The following ACADL variants were observed in gnomAD, a reference collection of about 807,000 sequenced individuals.
The protein encoded by ACADL is long-chain specific acyl-CoA dehydrogenase, mitochondrial.
Under a neutral mutation model 56.9 loss-of-function variants are expected in ACADL, and 60 were observed. That is an observed-to-expected ratio of 1.05 (90% CI 0.86 to 1.31). The LOEUF is 1.31. ACADL is among the 50% of genes most tolerant of loss of function. ACADL has a pLI of 0.00. For synonymous variants in ACADL, 158 were observed against 179.7 expected (o/e 0.88, Z 0.97); for missense variants, 484 against 525.5 (o/e 0.92, Z 0.77).
At chr2:210,191,004 C>T (rs1688625427) in intron 10 of ACADL, among the ~76,000 whole-genome samples, 1 of 151,598 alleles carries the variant, frequency 6.6e-6, no homozygotes, top group Non-Finnish European at 1.5e-5. Context: ...GCAACCTCCG[C>T]CTCTCGGGTT....
At chr2:210,205,541 A>C in intron 6 of ACADL, 91 bp downstream of exon 6, 3 of 1,298,060 alleles carry the variant, frequency 2.3e-6, no homozygotes, top group Non-Finnish European at 3.3e-6. Context: ...AGGAAATAAA[A>C]TTGTGCCACA....
chr2:210,215,493 C>G (rs550341442), intron 4 of ACADL, among the ~76,000 whole-genome samples: 1 of 152,316 alleles, frequency 6.6e-6, no homozygotes, highest in Admixed American at 6.5e-5. Context: ...CTCTCTTGCT[C>G]CATCTTCTTT....
intron 4 of ACADL, among the ~76,000 whole-genome samples, chr2:210,213,365 T>G (rs1410645315): frequency 1.3e-5 from 2 of 152,004 alleles, no homozygotes; most frequent in Admixed American, 1.3e-4. Flanking sequence ...CTGGGCATGG[T>G]GGCGGGCGCC....
At chr2:210,205,899 A>G (rs1260271735) in intron 5 of ACADL, 103 bp from the exon 6 acceptor site, 1 of 1,365,264 alleles carries the variant, frequency 7.3e-7, no homozygotes, top group African/African-American at 1.4e-5. Context: ...AACAGACAAG[A>G]CATGCTTGAT....
At chr2:210,205,530 T>C in intron 6 of ACADL, 102 bp downstream of exon 6, 1 of 1,166,692 alleles carries the variant, frequency 8.6e-7, no homozygotes, top group South Asian at 1.3e-5. Context: ...GAATTCAGCA[T>C]AGGAAATAAA....
At chr2:210,193,583 T>C (rs925187067) in intron 9 of ACADL, among the ~76,000 whole-genome samples, 1 of 152,216 alleles carries the variant, frequency 6.6e-6, no homozygotes, top group African/African-American at 2.4e-5. Flanking sequence ...TTAAAATTCA[T>C]GATAGAGATT....
chr2:210,204,544 A>T (rs1688851914), intron 7 of ACADL, 37 bp downstream of exon 7: 1 of 1,385,508 alleles, frequency 7.2e-7, no homozygotes, highest in Non-Finnish European at 1.0e-6. Flanking sequence ...CCAATTCATT[A>T]TTCAGTCAAA....
At chr2:210,204,197 T>C (rs1355959490) in intron 7 of ACADL, among the ~76,000 whole-genome samples, 1 of 152,216 alleles carries the variant, frequency 6.6e-6, no homozygotes, top group East Asian at 1.9e-4. Context: ...CTGAATTTTA[T>C]ACTTTTCCCT....
intron 5 of ACADL, among the ~76,000 whole-genome samples, chr2:210,208,953 G>A (rs865812997): frequency 2.6e-5 from 4 of 152,222 alleles, no homozygotes; most frequent in Middle Eastern, 3.4e-3. Context: ...CTGAGCAGAC[G>A]AGGTCTGCTT....
intron 1 of ACADL, chr2:210,224,944 G>T (rs950221095): frequency 3.7e-6 from 5 of 1,342,680 alleles, no homozygotes; most frequent in African/African-American, 1.6e-5. Flanking sequence ...TTTCCCCGAC[G>T]TGGGCTCGGC....
chr2:210,203,240 A>C (rs1317299145), intron 8 of ACADL, 91 bp downstream of exon 8: 1 of 854,026 alleles, frequency 1.2e-6, no homozygotes, highest in East Asian at 2.6e-5. Context: ...ATCACCTTAC[A>C]TGAAAATAAC....
chr2:210,214,372 T>C (rs2125716003), intron 4 of ACADL, among the ~76,000 whole-genome samples: 1 of 152,082 alleles, frequency 6.6e-6, no homozygotes, highest in South Asian at 2.1e-4. Flanking sequence ...TTTTCTCTGT[T>C]CTTATATTCT....
intron 5 of ACADL, chr2:210,209,588 G>A (rs1408090003): frequency 6.7e-6 from 1 of 149,774 alleles, no homozygotes; most frequent in Non-Finnish European, 1.5e-5. Context: ...CAACCTCCTT[G>A]GCTCAAGTGA....
chr2:210,188,520 A>G lies in ACADL; in HGVS notation c.*441T>C, dbSNP rs1688581905. 5.8e-6 allele frequency: 1 copy of G among 172,248 alleles called. No individual in the cohort carries two copies. Among genetic ancestry groups the G allele is most frequent in the Non-Finnish European group, 1.2e-5 (1 of 80,550 alleles). 10.7% of individuals were successfully genotyped at this position (172,248 alleles called of 1,614,324 possible). A position where few individuals can be genotyped will look rare whatever the true frequency, so the allele number is the denominator to read the frequency against. The stretch of plus-strand genomic sequence containing the variant: ...GTGGTAAAAACCACTGTTCTAGGGA[A>G]TTTGGAGCAAATGGTAGCCGAAATG... On this transcript the variant is annotated 3_prime_UTR_variant, in exon 11 of 11. Transcript: ENST00000233710.
intron 8 of ACADL, among the ~76,000 whole-genome samples, chr2:210,197,659 TA>T (rs1379914786): frequency 2.0e-5 from 3 of 152,206 alleles, no homozygotes; most frequent in African/African-American, 4.8e-5. Flanking sequence ...AGTCTCAAGA[TA>T]TTTTTTTGCC....
At position 210,220,649 on chromosome 2, in the gene ACADL, TG is replaced by T; in HGVS notation, c.230del (p.Ser77Ter). On this transcript the variant is annotated frameshift_variant, in exon 2 of 11. Coordinates refer to ENST00000233710, the MANE Select transcript of ACADL (RefSeq NM_001608.4). LOFTEE classifies it high-confidence loss of function. ...TTAGAGGAAAATGTGCCACTTACTCTGAGTGATGAGGAATCACTTCTTCTTG... is the reference window on the plus strand; with the variant it reads ...TTAGAGGAAAATGTGCCACTTACTCTAGTGATGAGGAATCACTTCTTCTTG... ...FFQEEVIPHHSEWEKAGEVSR... is the reference protein window; with the variant it reads ...FFQEEVIPHHXEWEKAGEVSR... 6.2e-7 allele frequency: 1 copy of T among 1,612,940 alleles called. No individual in the cohort carries two copies. Among genetic ancestry groups the T allele is most frequent in the Non-Finnish European group, 8.5e-7 (1 of 1,179,370 alleles).
chr2:210,195,192 A>G lies in ACADL; in HGVS notation c.1112+19T>C, dbSNP rs760227358. ...CAGTCTGAGCACACACCGCACTCTA[A>G]TTACTGTAGCATGCATACCAATATT... On this transcript the variant is annotated intron_variant, in intron 9 of 10. Transcript: ENST00000233710. The G allele has an allele frequency of 4.3e-6, 7 of 1,613,562 alleles. No homozygotes were observed. In the East Asian group the frequency reaches 1.3e-4, roughly 31 times the overall value.
intron 8 of ACADL, among the ~76,000 whole-genome samples, chr2:210,201,329 A>T (rs1413261912): frequency 6.6e-6 from 1 of 152,180 alleles, no homozygotes; most frequent in East Asian, 1.9e-4. Context: ...CTGTGACAAG[A>T]ACCCAGTTTT....
rs756813108 is a variant in ACADL at position 210,205,644 on chromosome 2, TC to T, written c.755del (p.Gly252AspfsTer2). On this transcript the variant is annotated frameshift_variant, in exon 6 of 11. Transcript: ENST00000233710. LOFTEE classifies it high-confidence loss of function. ...CATTATCACTCACCTGGGCTTTTAA[TC>T]CCATTTTATGTAGCTTTCGTCCCTT... ...FIKGRKLHKM[G>X]LKAQDTAELF... is the part of the protein sequence containing the mutation. The T allele has an allele frequency of 6.2e-7, 1 of 1,613,858 alleles. No homozygotes were observed. Among genetic ancestry groups the T allele is most frequent in the East Asian group, 2.2e-5 (1 of 44,852 alleles).
Sources: gnomAD v4.1 joint callset for allele counts (sites outside exome capture counted in the v4.1 genomes callset) on GRCh38, gnomAD v4.1.1 for gene constraint, MANE v1.5 for transcripts, NCBI Gene and HGNC (gene_info 2026-07-23, HGNC 2026-07-21) for gene names.